CRPPA: variants seen among roughly 807,000 people sequenced by gnomAD.
CRPPA encodes the protein CDP-L-ribitol pyrophosphorylase A.
In CRPPA, 43 loss-of-function variants were observed where a neutral mutation model predicts 52.0. The observed-to-expected ratio is 0.83, with a 90% CI of 0.65 to 1.07. The LOEUF is 1.07. Ranked by LOEUF, CRPPA falls within the 50% of genes least tolerant of loss-of-function variation. The probability of loss-of-function intolerance (pLI) is 0.00; values close to 1 mark genes in which losing one functional copy is unlikely to be tolerated. For missense variants in CRPPA, 629 were observed against 551.7 expected, an observed-to-expected ratio of 1.14 and a Z score of -1.40; for synonymous variants, 250 against 203.5, an observed-to-expected ratio of 1.23 and a Z score of -1.94.
At chr7:16,189,020 T>C (rs1181968332) in intron 9 of CRPPA, among the ~76,000 whole-genome samples, 1 of 152,196 alleles carries the variant, frequency 6.6e-6, no homozygotes. Flanking sequence ...GGATGATCCA[T>C]ACTCATGCAA....
At chr7:16,364,384 T>C (rs1786534959) in intron 3 of CRPPA, among the ~76,000 whole-genome samples, 1 of 152,232 alleles carries the variant, frequency 6.6e-6, no homozygotes, top group Admixed American at 6.5e-5. Context: ...CACTGTAAGT[T>C]GGTATGTGTA....
chr7:16,173,247 T>G (rs1781229185), intron 9 of CRPPA, among the ~76,000 whole-genome samples: 1 of 152,194 alleles, frequency 6.6e-6, no homozygotes, highest in Non-Finnish European at 1.5e-5. Flanking sequence ...ATTAATCAAG[T>G]GCCATATCTA....
At chr7:16,102,794 G>A (rs541835088) in intron 9 of CRPPA, among the ~76,000 whole-genome samples, 143 of 152,304 alleles carry the variant, frequency 9.4e-4, no homozygotes, top group Non-Finnish European at 1.2e-3. Flanking sequence ...CCATTAAAAA[G>A]TCAGGAAACA....
intron 8 of CRPPA, among the ~76,000 whole-genome samples, chr7:16,222,213 A>G (rs886597052): frequency 2.0e-5 from 3 of 150,106 alleles, no homozygotes; most frequent in Admixed American, 6.7e-5. Flanking sequence ...ACCAAACCGC[A>G]TATTCTCACT....
intron 5 of CRPPA, among the ~76,000 whole-genome samples, chr7:16,284,227 A>T (rs191547283): frequency 6.6e-6 from 1 of 152,242 alleles, no homozygotes; most frequent in East Asian, 1.9e-4. Context: ...GACCTCTGCT[A>T]TTAGTGAATT....
intron 3 of CRPPA, among the ~76,000 whole-genome samples, chr7:16,335,327 T>G (rs1353877165): frequency 6.6e-6 from 1 of 152,132 alleles, no homozygotes; most frequent in Admixed American, 6.5e-5. Flanking sequence ...CATTCAAGCC[T>G]GAGTGACACA....
chr7:16,413,329 G>C (rs1280005002), intron 1 of CRPPA, among the ~76,000 whole-genome samples: 1 of 152,148 alleles, frequency 6.6e-6, no homozygotes, highest in Non-Finnish European at 1.5e-5. Context: ...GGTGTTCCAT[G>C]CGGTCCTTTG....
At chr7:16,131,999 A>G (rs1402576641) in intron 9 of CRPPA, among the ~76,000 whole-genome samples, 3 of 152,176 alleles carry the variant, frequency 2.0e-5, no homozygotes, top group Non-Finnish European at 4.4e-5. Context: ...ATAGGGGAAG[A>G]GGTACTGCAA....
intron 3 of CRPPA, among the ~76,000 whole-genome samples, chr7:16,322,209 C>T (rs1785280495): frequency 1.3e-5 from 2 of 152,060 alleles, no homozygotes; most frequent in South Asian, 2.1e-4. Flanking sequence ...TGGAAGCTGG[C>T]ACCAGGAGGC....
intron 6 of CRPPA, chr7:16,269,499 C>A (rs1784040081): frequency 2.6e-5 from 4 of 152,110 alleles, no homozygotes; most frequent in Admixed American, 1.3e-4. Flanking sequence ...TGCAGAAGAT[C>A]TTCAATGACG....
chr7:16,182,904 C>G (rs1478131898), intron 9 of CRPPA, among the ~76,000 whole-genome samples: 1 of 152,150 alleles, frequency 6.6e-6, no homozygotes, highest in Non-Finnish European at 1.5e-5. Flanking sequence ...TGCAATTAAG[C>G]TACTTTCTGC....
intron 9 of CRPPA, among the ~76,000 whole-genome samples, chr7:16,144,882 T>C (rs1290187331): frequency 1.3e-5 from 2 of 152,192 alleles, no homozygotes; most frequent in East Asian, 3.9e-4. Flanking sequence ...AGTGTACTTC[T>C]TTCATCTGTT....
chr7:16,380,409 T>C (rs1055777583), intron 2 of CRPPA, among the ~76,000 whole-genome samples: 119 of 152,186 alleles, frequency 7.8e-4, no homozygotes, highest in Non-Finnish European at 1.2e-3. Context: ...TTATTGAGGA[T>C]TTTTGCATCA....
At chr7:16,247,443 C>G (rs1009738327) in intron 8 of CRPPA, among the ~76,000 whole-genome samples, 13 of 152,140 alleles carry the variant, frequency 8.5e-5, no homozygotes, top group Non-Finnish European at 1.5e-4. Context: ...GTCAAAAGAG[C>G]AATCAGAACA....
chr7:16,311,293 G>A (rs1785029626), intron 3 of CRPPA, among the ~76,000 whole-genome samples: 2 of 152,028 alleles, frequency 1.3e-5, no homozygotes. Flanking sequence ...TTATTGTACA[G>A]AGTAGTTTCA....
At chr7:16,412,240 G>A (rs1788091403) in intron 1 of CRPPA, among the ~76,000 whole-genome samples, 2 of 152,308 alleles carry the variant, frequency 1.3e-5, no homozygotes, top group African/African-American at 4.8e-5. Flanking sequence ...GGTCCCATTA[G>A]AGTGTCATAA....
intron 3 of CRPPA, among the ~76,000 whole-genome samples, chr7:16,338,375 A>G (rs1240782625): frequency 6.6e-6 from 1 of 152,218 alleles, no homozygotes; most frequent in African/African-American, 2.4e-5. Context: ...TATGTAGGGA[A>G]TATATCTCAA....
At chr7:16,336,032 T>C (rs1232812880) in intron 3 of CRPPA, among the ~76,000 whole-genome samples, 4 of 152,278 alleles carry the variant, frequency 2.6e-5, no homozygotes, top group Middle Eastern at 6.8e-3. Context: ...CCTTCTGAAC[T>C]GAAAGATAAT....
At chr7:16,226,831 CAG>C (rs1782664442) in intron 8 of CRPPA, among the ~76,000 whole-genome samples, 1 of 151,872 alleles carries the variant, frequency 6.6e-6, no homozygotes, top group Non-Finnish European at 1.5e-5. Flanking sequence ...TATATCCTCT[CAG>C]AGTTTTTCAA....
Sources: allele counts gnomAD v4.1 joint callset (sites outside exome capture counted in the v4.1 genomes callset), GRCh38; gene constraint gnomAD v4.1.1; transcripts MANE v1.5; gene names NCBI Gene and HGNC (gene_info 2026-07-23, HGNC 2026-07-21).